The following PHF3 variants were observed in gnomAD, a reference collection of about 807,000 sequenced individuals.
PHF3 encodes PHD finger protein 3.
Under a neutral mutation model 178.4 loss-of-function variants are expected in PHF3, and 41 were observed. That is an observed-to-expected ratio of 0.23 (90% confidence interval 0.18 to 0.30). PHF3 has a LOEUF of 0.30. Among genes scored for constraint, PHF3 ranks in the 10% least tolerant of loss-of-function variants. PHF3 has a pLI of 1.00. For missense variants in PHF3, 2,346 were observed against 2,398.1 expected (o/e 0.98, Z 0.45); for synonymous variants, 842 against 800.5 (o/e 1.05, Z -0.88).
chr6:63,698,999 T>C (rs1767356584), intron 8 of PHF3, among the ~76,000 whole-genome samples: 1 of 152,216 alleles, frequency 6.6e-6, no homozygotes, highest in African/African-American at 2.4e-5. Context: ...AAAAATGCTT[T>C]TAAATTGTTT....
At position 63,721,915 on chromosome 6, in the gene PHF3, T is replaced by G. The variant is rs1053383799; in HGVS notation, c.*8207T>G. 1 of 863,316 alleles carries G rather than the reference T, an allele frequency of 1.2e-6. No individual in the cohort carries two copies. Among genetic ancestry groups the G allele is most frequent in the African/African-American group, 1.7e-5 (1 of 58,584 alleles). The allele number at this position is 863,316 out of a possible 1,614,324, so 53.5% of individuals were successfully genotyped here. A position where few individuals can be genotyped will look rare whatever the true frequency, so the allele number is the denominator to read the frequency against. The stretch of plus-strand genomic sequence containing the variant: ...TTATGGGGAAAAAAGTAACAGATCT[T>G]GAGCACAATTGTGTTAGTTTTGTTT... On this transcript the variant is annotated 3_prime_UTR_variant, in exon 16 of 16. Coordinates refer to ENST00000262043, the MANE Select transcript of PHF3 (RefSeq NM_001370348.2).
chr6:63,670,064 A>G (rs1056857216), intron 2 of PHF3, among the ~76,000 whole-genome samples: 1 of 152,130 alleles, frequency 6.6e-6, no homozygotes, highest in Non-Finnish European at 1.5e-5. Flanking sequence ...TACTCTTAAA[A>G]GGAGACTGTG....
chr6:63,673,222 G>A (rs765574887), intron 2 of PHF3, among the ~76,000 whole-genome samples: 5 of 152,078 alleles, frequency 3.3e-5, no homozygotes, highest in Non-Finnish European at 7.4e-5. Context: ...AAGTGTGGAG[G>A]TGCAGACCCA....
intron 11 of PHF3, among the ~76,000 whole-genome samples, chr6:63,704,819 C>G (rs1447509443): frequency 6.6e-6 from 1 of 152,128 alleles, no homozygotes; most frequent in Non-Finnish European, 1.5e-5. Flanking sequence ...AACCTCCAAA[C>G]TATTTTTCAC....
rs1256786945 is a variant in PHF3, at chr6:63,694,710, A to T, written c.2626A>T (p.Ile876Leu). ...RRSSEEKSEKIPKESTTVTCT... is the reference protein window; with the variant it reads ...RRSSEEKSEKLPKESTTVTCT... ...ATCCTCAGAAGAAAAAAGTGAAAAA[A>T]TACCGAAAGAGTCTACAACTGTTAC... The change falls in exon 6 of 16, where the codon ATA becomes TTA. Residue 876 changes from isoleucine to leucine, a missense_variant. Ile to Leu is a conservative substitution (Grantham distance 5). Coordinates refer to ENST00000262043, the MANE Select transcript of PHF3 (RefSeq NM_001370348.2). The T allele has an allele frequency of 1.2e-6, 2 of 1,600,966 alleles. No homozygotes were observed. The highest frequency in any genetic ancestry group is 1.7e-6 in the Non-Finnish European group (2 of 1,173,436).
Position 63,712,949 on chromosome 6 carries a change from C to A in PHF3, c.5361C>A (p.Thr1787=). The change falls in exon 16 of 16, where the codon ACC becomes ACA. Residue 1787 remains threonine (T), a synonymous_variant. Coordinates refer to ENST00000262043, the MANE Select transcript of PHF3 (RefSeq NM_001370348.2). ...GCATCACCTTTACTTCCAGAAGCACCAGCCCCAGAACAAGTACAAACTTTT... is the reference window on the plus strand; with the variant it reads ...GCATCACCTTTACTTCCAGAAGCACAAGCCCCAGAACAAGTACAAACTTTT... ...SKSITFTSRS[T]SPRTSTNFSP... is the part of the protein sequence containing the mutation. 1 of 1,613,966 alleles carries A rather than the reference C, an allele frequency of 6.2e-7. No individual in the cohort carries two copies. The highest frequency in any genetic ancestry group is 8.5e-7 in the Non-Finnish European group (1 of 1,179,942).
intron 2 of PHF3, among the ~76,000 whole-genome samples, chr6:63,673,355 A>T (rs982370294): frequency 6.6e-6 from 1 of 152,156 alleles, no homozygotes; most frequent in Non-Finnish European, 1.5e-5. Context: ...CAGTTCATAA[A>T]AAAGCAGCAT....
intron 11 of PHF3, 142 bp from the exon 12 acceptor site, chr6:63,705,887 G>A (rs1767667426): frequency 3.2e-6 from 2 of 616,534 alleles, no homozygotes; most frequent in Admixed American, 3.0e-5. Flanking sequence ...ACTAAATGAT[G>A]ACAGTTAGAT....
At chr6:63,707,913 C>G (rs1444726954) in intron 13 of PHF3, among the ~76,000 whole-genome samples, 1 of 149,692 alleles carries the variant, frequency 6.7e-6, no homozygotes, top group Non-Finnish European at 1.5e-5. Flanking sequence ...GTCGCCCTGG[C>G]TGGAGTGCAG....
At chr6:63,664,481 A>G (rs1421655498) in intron 2 of PHF3, among the ~76,000 whole-genome samples, 2 of 152,204 alleles carry the variant, frequency 1.3e-5, no homozygotes, top group Non-Finnish European at 2.9e-5. Context: ...GTAAGTTTAT[A>G]TATAAGACAT....
intron 1 of PHF3, among the ~76,000 whole-genome samples, chr6:63,642,265 T>C (rs932600935): frequency 6.6e-6 from 1 of 152,246 alleles, no homozygotes; most frequent in Non-Finnish European, 1.5e-5. Flanking sequence ...GGATCCAGCT[T>C]ACACATCATC....
chr6:63,671,560 C>T (rs6921180), intron 2 of PHF3, among the ~76,000 whole-genome samples: 82,874 of 151,968 alleles, frequency 0.55, 24,166 homozygotes, highest in African/African-American at 0.76. Context: ...CTGAGGTACT[C>T]GTAGTGGCCA....
chr6:63,713,491 A>T lies in PHF3; in HGVS notation c.5903A>T (p.Asp1968Val), dbSNP rs1440899153. The T allele has an allele frequency of 4.3e-6, 7 of 1,613,872 alleles. No individual in the cohort carries two copies. Among genetic ancestry groups the T allele is most frequent in the Middle Eastern group, 1.7e-4 (1 of 6,058 alleles). The change falls in exon 16 of 16, where the codon GAT (aspartate) becomes GTT (valine). Residue 1968 changes from aspartate (D) to valine (V), a missense_variant. Physicochemically the swap from Asp to Val is radical, Grantham distance 152. Around this residue, in one of 8 missense-constraint regions of PHF3, gnomAD observed 839 missense variants for 806.9 expected, o/e 1.04. Transcript: ENST00000262043. Reference sequence around the variant, plus strand: ...AAAAGCAGGGAGGAAGGGCACAAAGATAAAGAGAGGGCACGGTTATCACAT... The same window carrying T: ...AAAAGCAGGGAGGAAGGGCACAAAGTTAAAGAGAGGGCACGGTTATCACAT... ...DRKSREEGHK[D>V]KERARLSHGD...
intron 2 of PHF3, among the ~76,000 whole-genome samples, chr6:63,661,615 A>G (rs1397500541): frequency 1.3e-5 from 2 of 152,198 alleles, no homozygotes; most frequent in African/African-American, 4.8e-5. Context: ...ACAGGGGCTA[A>G]CATCATGGTC....
intron 2 of PHF3, among the ~76,000 whole-genome samples, chr6:63,664,617 A>C (rs2149560189): frequency 6.6e-6 from 1 of 152,266 alleles, no homozygotes; most frequent in Non-Finnish European, 1.5e-5. Context: ...CCATAGATAA[A>C]ATATTTATAC....
Position 63,714,317 on chromosome 6 carries a change from T to C in PHF3, c.*609T>C, listed in dbSNP as rs1373122337. 3 of 152,614 alleles carry C rather than the reference T, an allele frequency of 2.0e-5. No individual in the cohort carries two copies. The highest frequency in any genetic ancestry group is 4.4e-5 in the Non-Finnish European group (3 of 68,026). The allele number at this position is 152,614 out of a possible 1,614,324, so 9.5% of individuals were successfully genotyped here. A position where few individuals can be genotyped will look rare whatever the true frequency, so the allele number is the denominator to read the frequency against. ...GCTTTGTGGTAGGCCATTATTTTCA[T>C]TTTCATTTTTGGCTCTTCAGAAACT... On this transcript the variant is annotated 3_prime_UTR_variant, in exon 16 of 16. Coordinates refer to ENST00000262043, the MANE Select transcript of PHF3 (RefSeq NM_001370348.2).
chr6:63,712,332 CA>C lies in PHF3; in HGVS notation c.4746del (p.Glu1583ArgfsTer11). The C allele has an allele frequency of 1.9e-6, 3 of 1,612,940 alleles. No homozygotes were observed. Among genetic ancestry groups the C allele is most frequent in the Non-Finnish European group, 2.5e-6 (3 of 1,179,720 alleles). On this transcript the variant is annotated frameshift_variant, in exon 16 of 16. Transcript: ENST00000262043. LOFTEE classifies it high-confidence loss of function. ...AACAAATTTATCAATTCAGTCAAAA[CA>C]AGAGGAAACTGTGGAGAGTAAAGAG... is the stretch of plus-strand genomic sequence containing the variant. ...FLTNLSIQSKQEETVESKEKT... is the reference protein window; with the variant it reads ...FLTNLSIQSKXEETVESKEKT...
intron 8 of PHF3, 95 bp downstream of exon 8, chr6:63,698,700 G>T: frequency 1.2e-6 from 1 of 860,896 alleles, no homozygotes; most frequent in Middle Eastern, 3.9e-4. Context: ...TTTATTAATT[G>T]GAGTGAGATT....
chr6:63,708,401 TC>T (rs1419774590), intron 13 of PHF3, among the ~76,000 whole-genome samples: 2 of 152,126 alleles, frequency 1.3e-5, no homozygotes, highest in African/African-American at 4.8e-5. Context: ...ATTATTATTT[TC>T]CCCTCCGAGA....
Sources: gnomAD v4.1 joint callset for allele counts (sites outside exome capture counted in the v4.1 genomes callset) on GRCh38, gnomAD v4.1.1 for gene constraint, gnomAD v4.1.1 regional missense constraint, MANE v1.5 for transcripts, NCBI Gene and HGNC (gene_info 2026-07-23, HGNC 2026-07-21) for gene names.